The following MGMT variants were observed in gnomAD, a reference collection of about 807,000 sequenced individuals.
MGMT encodes O-6-methylguanine-DNA methyltransferase.
A neutral mutation model predicts 15.9 loss-of-function variants in MGMT; 14 were observed. The observed-to-expected ratio is 0.88, with a 90% CI of 0.58 to 1.37. The LOEUF is 1.37. Ranked by LOEUF, MGMT falls within the 40% of genes most tolerant of loss-of-function variation. The pLI, the probability that MGMT is intolerant of heterozygous loss-of-function variation, is 0.00. For missense variants in MGMT, 282 were observed against 268.1 expected (o/e 1.05, Z -0.36); for synonymous variants, 130 against 118.2 (o/e 1.10, Z -0.65).
At chr10:129,480,934 C>T (rs1001829962) in intron 1 of MGMT, among the ~76,000 whole-genome samples, 4 of 152,248 alleles carry the variant, frequency 2.6e-5, no homozygotes, top group African/African-American at 9.6e-5. Flanking sequence ...CGGAGCCCTC[C>T]TGGTGGCAGC....
chr10:129,761,738 A>G (rs774499675), intron 4 of MGMT, among the ~76,000 whole-genome samples: 1 of 152,176 alleles, frequency 6.6e-6, no homozygotes, highest in Non-Finnish European at 1.5e-5. Flanking sequence ...GGAGGGTTCT[A>G]CAGGCACCAA....
chr10:129,638,444 A>AAAAAAAAAAAAAAAAAAAAAAAAAAT (rs1847288888), intron 2 of MGMT, among the ~76,000 whole-genome samples: 1 of 121,132 alleles, frequency 8.3e-6, no homozygotes, highest in Non-Finnish European at 1.8e-5. Context: ...AAAAAAAAAA[A>AAAAAAAAAAAAAAAAAAAAAAAAAAT]AGAAAAAAAA....
chr10:129,522,453 G>A (rs59666976), intron 1 of MGMT, among the ~76,000 whole-genome samples: 13,514 of 152,260 alleles, frequency 0.089, 765 homozygotes, highest in East Asian at 0.3. Context: ...GTGGGTGCCC[G>A]TCCTGGAGCC....
chr10:129,550,287 C>A (rs558697267), intron 2 of MGMT, among the ~76,000 whole-genome samples: 1 of 151,248 alleles, frequency 6.6e-6, no homozygotes, highest in South Asian at 2.1e-4. Context: ...CGCCACCCAG[C>A]ACCGGCATGT....
intron 2 of MGMT, among the ~76,000 whole-genome samples, chr10:129,579,559 T>C (rs767693992): frequency 6.6e-6 from 1 of 152,244 alleles, no homozygotes; most frequent in Non-Finnish European, 1.5e-5. Flanking sequence ...TAGGAGAATG[T>C]CTTTATTGAC....
chr10:129,508,960 T>C (rs1298378667), intron 1 of MGMT, among the ~76,000 whole-genome samples: 2 of 152,192 alleles, frequency 1.3e-5, no homozygotes, highest in Non-Finnish European at 2.9e-5. Flanking sequence ...TGGATATTGC[T>C]AATTACTTAT....
intron 2 of MGMT, among the ~76,000 whole-genome samples, chr10:129,671,843 G>GTGT: frequency 1.3e-5 from 2 of 152,312 alleles, no homozygotes; most frequent in Middle Eastern, 6.8e-3. Flanking sequence ...GTAGAACTGT[G>GTGT]TGTTCACCAG....
At chr10:129,527,046 C>A (rs12268841) in intron 1 of MGMT, among the ~76,000 whole-genome samples, 2 of 152,132 alleles carry the variant, frequency 1.3e-5, no homozygotes, top group African/African-American at 4.8e-5. Flanking sequence ...GTGGTGGTGC[C>A]GGGAGCACTA....
chr10:129,574,939 C>G (rs1846462634), intron 2 of MGMT, among the ~76,000 whole-genome samples: 1 of 152,152 alleles, frequency 6.6e-6, no homozygotes, highest in Non-Finnish European at 1.5e-5. Flanking sequence ...GTGGGCCCCT[C>G]TGATACCAGG....
chr10:129,538,196 A>G (rs1412762678), intron 2 of MGMT, among the ~76,000 whole-genome samples: 1 of 152,258 alleles, frequency 6.6e-6, no homozygotes, highest in African/African-American at 2.4e-5. Flanking sequence ...CAAGTGTACA[A>G]TTCATTTGAC....
intron 2 of MGMT, among the ~76,000 whole-genome samples, chr10:129,669,461 A>G (rs1192923331): frequency 2.0e-5 from 3 of 152,118 alleles, no homozygotes; most frequent in African/African-American, 7.2e-5. Flanking sequence ...TCAGTTTCCT[A>G]TATGAGATCA....
At chr10:129,584,111 G>C (rs899686568) in intron 2 of MGMT, among the ~76,000 whole-genome samples, 3 of 152,226 alleles carry the variant, frequency 2.0e-5, no homozygotes, top group Admixed American at 2.0e-4. Context: ...TCAGAGAGTA[G>C]ACAGAGGGTG....
intron 2 of MGMT, among the ~76,000 whole-genome samples, chr10:129,686,535 C>T (rs117020040): frequency 0.079 from 11,965 of 151,420 alleles, 687 homozygotes; most frequent in Admixed American, 0.17. Context: ...CCACCACATC[C>T]GACTAATTTT....
chr10:129,520,468 A>G (rs555708685), intron 1 of MGMT, among the ~76,000 whole-genome samples: 58 of 151,364 alleles, frequency 3.8e-4, no homozygotes, highest in Non-Finnish European at 7.4e-4. Flanking sequence ...CCTGTGGTGC[A>G]TGTACAGAGC....
intron 2 of MGMT, among the ~76,000 whole-genome samples, chr10:129,702,898 C>CCCCGTGATAAGCTCTCACT (rs1848116202): frequency 6.6e-6 from 1 of 152,146 alleles, no homozygotes; most frequent in African/African-American, 2.4e-5. Context: ...TTGAGGAACT[C>CCCCGTGATAAGCTCTCACT]CCCCGTGATA....
intron 2 of MGMT, among the ~76,000 whole-genome samples, chr10:129,694,896 A>T (rs1848012751): frequency 6.6e-6 from 1 of 152,222 alleles, no homozygotes; most frequent in Non-Finnish European, 1.5e-5. Context: ...TTGTTGAAAA[A>T]GTACAAATGT....
intron 2 of MGMT, among the ~76,000 whole-genome samples, chr10:129,611,432 AGG>A (rs539229778): frequency 2.0e-5 from 3 of 152,182 alleles, no homozygotes; most frequent in African/African-American, 7.2e-5. Context: ...GAGAATAGCA[AGG>A]GGGAAATCTG....
At chr10:129,591,849 T>A (rs1437030470) in intron 2 of MGMT, among the ~76,000 whole-genome samples, 2 of 152,290 alleles carry the variant, frequency 1.3e-5, no homozygotes, top group Non-Finnish European at 2.9e-5. Context: ...GAGAATGGCT[T>A]GAACCCGGGA....
At chr10:129,711,406 C>T (rs1848231198) in intron 3 of MGMT, among the ~76,000 whole-genome samples, 1 of 152,182 alleles carries the variant, frequency 6.6e-6, no homozygotes, top group South Asian at 2.1e-4. Context: ...GTGAAGCTGC[C>T]TTTCCCGACC....
Sources: gnomAD v4.1 joint callset for allele counts (sites outside exome capture counted in the v4.1 genomes callset) on GRCh38, gnomAD v4.1.1 for gene constraint, MANE v1.5 for transcripts, NCBI Gene and HGNC (gene_info 2026-07-23, HGNC 2026-07-21) for gene names.